MXI1: variants seen among roughly 807,000 people sequenced by gnomAD.
MXI1 encodes the protein max-interacting protein 1.
In MXI1, 18 loss-of-function variants were observed where a neutral mutation model predicts 36.9. That is an observed-to-expected ratio of 0.49 (90% CI 0.34 to 0.72). MXI1 has a LOEUF of 0.72. Ranked by LOEUF, MXI1 falls within the 30% of genes least tolerant of loss-of-function variation. The probability of loss-of-function intolerance (pLI) is 0.01; values close to 1 mark genes in which losing one functional copy is unlikely to be tolerated. For missense variants in MXI1, 304 were observed against 379.1 expected (o/e 0.80, Z 1.64); for synonymous variants, 160 against 146.7 (o/e 1.09, Z -0.65).
At chr10:110,266,005 G>T (rs1856666561) in intron 3 of MXI1, among the ~76,000 whole-genome samples, 1 of 152,160 alleles carries the variant, frequency 6.6e-6, no homozygotes. Flanking sequence ...ATAGATATAG[G>T]CCTGAGAGTA....
intron 1 of MXI1, among the ~76,000 whole-genome samples, chr10:110,217,724 G>A (rs1327151284): frequency 1.3e-5 from 2 of 152,214 alleles, no homozygotes; most frequent in Admixed American, 6.5e-5. Context: ...AGTGAAGCAT[G>A]TATGATCTCC....
chr10:110,242,429 A>G (rs1376650878), intron 2 of MXI1, among the ~76,000 whole-genome samples: 1 of 152,032 alleles, frequency 6.6e-6, no homozygotes, highest in Admixed American at 6.6e-5. Flanking sequence ...ATAGGAGTAA[A>G]CACTATTGAT....
In MXI1 at chr10:110,228,338, G is replaced by A. The variant is rs1016869797; in HGVS notation, c.407+17G>A. 1.2e-6 allele frequency: 2 copies of A among 1,613,954 alleles called. No individual in the cohort carries two copies. The highest frequency in any genetic ancestry group is 1.7e-6 in the Non-Finnish European group (2 of 1,179,994). On this transcript the variant is annotated intron_variant, in intron 2 of 5. Transcript: ENST00000332674. ...TGCCAACAGGTAGCAAGCTGGGAACGCTTAGAAGAGGGAACTGGAGGGAAG... is the reference window on the plus strand; with the variant it reads ...TGCCAACAGGTAGCAAGCTGGGAACACTTAGAAGAGGGAACTGGAGGGAAG...
chr10:110,258,963 G>A (rs1055881368), intron 3 of MXI1, among the ~76,000 whole-genome samples: 1 of 152,076 alleles, frequency 6.6e-6, no homozygotes, highest in Non-Finnish European at 1.5e-5. Context: ...TAGTACTTCA[G>A]CTAGCCAGTT....
intron 3 of MXI1, 128 bp downstream of exon 3, chr10:110,244,985 A>G: frequency 1.2e-6 from 1 of 835,592 alleles, no homozygotes; most frequent in Non-Finnish European, 1.8e-6. Context: ...CCCATTGTGA[A>G]TCTGATATAT....
chr10:110,225,934 G>C (rs1405421004), intron 1 of MXI1: 1 of 841,486 alleles, frequency 1.2e-6, no homozygotes, highest in Non-Finnish European at 1.4e-6. Flanking sequence ...GCAGAGGCAG[G>C]GGCGGGAGGG....
chr10:110,268,116 T>C (rs1856740330), intron 3 of MXI1, among the ~76,000 whole-genome samples: 1 of 152,212 alleles, frequency 6.6e-6, no homozygotes, highest in Non-Finnish European at 1.5e-5. Flanking sequence ...CCACACAACC[T>C]GCCTGATGAA....
At chr10:110,257,774 C>A in intron 3 of MXI1, 1 of 316,762 alleles carries the variant, frequency 3.2e-6, no homozygotes. Flanking sequence ...TATCCAGAGA[C>A]GCGTACTTTA....
At chr10:110,262,251 C>T (rs79409454) in intron 3 of MXI1, among the ~76,000 whole-genome samples, 9,932 of 152,100 alleles carry the variant, frequency 0.065, 1,011 homozygotes, top group African/African-American at 0.22. Flanking sequence ...CAACTATTTA[C>T]ATGGTATTCA....
intron 3 of MXI1, among the ~76,000 whole-genome samples, chr10:110,245,200 A>G (rs1855819883): frequency 1.3e-5 from 2 of 152,140 alleles, no homozygotes; most frequent in Admixed American, 6.6e-5. Flanking sequence ...AAGCATTACA[A>G]ATTGGAGGGC....
intron 3 of MXI1, among the ~76,000 whole-genome samples, chr10:110,251,845 G>A (rs556673832): frequency 9.9e-5 from 15 of 152,242 alleles, no homozygotes; most frequent in African/African-American, 3.1e-4. Flanking sequence ...TGGGTAGACC[G>A]TATTGAGTTA....
intron 2 of MXI1, among the ~76,000 whole-genome samples, chr10:110,230,764 G>A (rs1483924704): frequency 6.6e-6 from 1 of 152,102 alleles, no homozygotes. Flanking sequence ...GTTTACTATT[G>A]GATTTTAATG....
intron 1 of MXI1, among the ~76,000 whole-genome samples, chr10:110,215,782 G>A (rs964296976): frequency 2.0e-5 from 3 of 152,212 alleles, no homozygotes; most frequent in Admixed American, 2.0e-4. Context: ...CAGTGATGAG[G>A]TGGCTATCCC....
chr10:110,283,898 T>G (rs963088124), intron 5 of MXI1, among the ~76,000 whole-genome samples: 1 of 151,936 alleles, frequency 6.6e-6, no homozygotes, highest in Admixed American at 6.6e-5. Flanking sequence ...TCCTCCCACC[T>G]TGGCCTCCCG....
At chr10:110,259,684 G>A (rs1590383823) in intron 3 of MXI1, among the ~76,000 whole-genome samples, 1 of 152,014 alleles carries the variant, frequency 6.6e-6, no homozygotes, top group East Asian at 1.9e-4. Flanking sequence ...AAAATGAAGA[G>A]ATTCAGATAT....
At chr10:110,230,015 G>T (rs145159469) in intron 2 of MXI1, among the ~76,000 whole-genome samples, 1 of 152,196 alleles carries the variant, frequency 6.6e-6, no homozygotes, top group East Asian at 1.9e-4. Context: ...AAAATAAGAT[G>T]CATTAGAGTC....
At chr10:110,249,403 C>T (rs1855989100) in intron 3 of MXI1, among the ~76,000 whole-genome samples, 1 of 151,562 alleles carries the variant, frequency 6.6e-6, no homozygotes, top group South Asian at 2.1e-4. Context: ...TCAGTTGTTA[C>T]TGATTACAGT....
At position 110,279,954 on chromosome 10, in the gene MXI1, A is replaced by C; in HGVS notation, c.593A>C (p.Glu198Ala). The C allele has an allele frequency of 1.2e-6, 2 of 1,611,846 alleles. No individual in the cohort carries two copies. Among genetic ancestry groups the C allele is most frequent in the African/African-American group, 2.7e-5 (2 of 74,900 alleles). Residue 198 changes from glutamate to alanine, a missense_variant, in exon 5 of 6, where the codon GAG becomes GCG. This residue lies in a region of MXI1 where 125 missense variants were observed against 194.3 expected (regional missense o/e 0.64). Transcript: ENST00000332674. ...GAAAGAAAAAGCCAGCACCAGCTCGAGAATTTGGAACGAGAACAGAGATTT... is the reference window on the plus strand; with the variant it reads ...GAAAGAAAAAGCCAGCACCAGCTCGCGAATTTGGAACGAGAACAGAGATTT... ...EAERKSQHQL[E>A]NLEREQRFLK...
chr10:110,256,467 G>T (rs2134418832), intron 3 of MXI1, among the ~76,000 whole-genome samples: 1 of 151,992 alleles, frequency 6.6e-6, no homozygotes, highest in South Asian at 2.1e-4. Flanking sequence ...GCCGGGCATG[G>T]TGGTGCATGC....
Sources: gnomAD v4.1 joint callset for allele counts (sites outside exome capture counted in the v4.1 genomes callset) on GRCh38, gnomAD v4.1.1 for gene constraint, gnomAD v4.1.1 regional missense constraint, MANE v1.5 for transcripts, NCBI Gene and HGNC (gene_info 2026-07-23, HGNC 2026-07-21) for gene names.